The following EYS variants were observed in gnomAD, a reference collection of about 807,000 sequenced individuals.
EYS encodes EGF-like photoreceptor maintenance factor.
EYS carries 250 observed loss-of-function variants against 282.1 expected under a neutral mutation model. That is an observed-to-expected ratio of 0.89 (90% CI 0.80 to 0.98). EYS has a LOEUF of 0.98. Among genes scored for constraint, EYS ranks in the 50% least tolerant of loss-of-function variants. EYS has a pLI of 0.00. For synonymous variants in EYS, 1,355 were observed against 1,282.9 expected, an observed-to-expected ratio of 1.06 and a Z score of -1.20; for missense variants, 4,016 against 3,709.0, an observed-to-expected ratio of 1.08 and a Z score of -2.15.
intron 33 of EYS, among the ~76,000 whole-genome samples, chr6:64,015,930 T>G (rs1404809902): frequency 1.3e-5 from 2 of 152,196 alleles, no homozygotes; most frequent in Non-Finnish European, 2.9e-5. Context: ...TCCAGGCTTA[T>G]GAGGCAAAAA....
intron 22 of EYS, chr6:64,733,508 C>A: frequency 1.1e-5 from 2 of 186,458 alleles, no homozygotes; most frequent in South Asian, 2.4e-4. Flanking sequence ...AGCCCATTGT[C>A]ATGGCAACAA....
chr6:63,900,988 A>G (rs983971017), intron 35 of EYS, among the ~76,000 whole-genome samples: 2 of 152,206 alleles, frequency 1.3e-5, no homozygotes, highest in African/African-American at 2.4e-5. Flanking sequence ...AAAGTATGAG[A>G]CCTGCAAAGA....
intron 31 of EYS, among the ~76,000 whole-genome samples, chr6:64,089,173 A>G (rs996510316): frequency 6.6e-6 from 1 of 151,884 alleles, no homozygotes; most frequent in Admixed American, 6.6e-5. Context: ...ATTTTAATTT[A>G]AAAATATTAC....
intron 18 of EYS, among the ~76,000 whole-genome samples, chr6:64,897,744 T>C (rs1253440759): frequency 6.6e-6 from 1 of 152,034 alleles, no homozygotes; most frequent in East Asian, 1.9e-4. Context: ...GAATAACCAG[T>C]TTAGAGAAGA....
chr6:65,628,094 G>A (rs1451491137), intron 2 of EYS, among the ~76,000 whole-genome samples: 1 of 152,214 alleles, frequency 6.6e-6, no homozygotes, highest in Non-Finnish European at 1.5e-5. Context: ...CTCAAGGTTT[G>A]TGAGTGCACC....
At chr6:65,536,733 A>G (rs950966853) in intron 2 of EYS, among the ~76,000 whole-genome samples, 1 of 152,152 alleles carries the variant, frequency 6.6e-6, no homozygotes, top group South Asian at 2.1e-4. Context: ...AGAAAAGGAT[A>G]ATAAACCCTT....
intron 24 of EYS, among the ~76,000 whole-genome samples, chr6:64,601,093 C>T (rs1766747108): frequency 6.6e-6 from 1 of 152,048 alleles, no homozygotes; most frequent in African/African-American, 2.4e-5. Context: ...TTCTCCTATT[C>T]ATTATCAATC....
chr6:65,626,087 A>C (rs1474909858), intron 2 of EYS, among the ~76,000 whole-genome samples: 2 of 152,074 alleles, frequency 1.3e-5, no homozygotes, highest in Non-Finnish European at 2.9e-5. Context: ...AGTGATGTGT[A>C]TAGTCTCTTA....
At chr6:64,721,588 T>G (rs1771583986) in intron 22 of EYS, among the ~76,000 whole-genome samples, 1 of 152,150 alleles carries the variant, frequency 6.6e-6, no homozygotes, top group African/African-American at 2.4e-5. Flanking sequence ...AAAACTTATA[T>G]TCCAAGGAAT....
chr6:65,091,454 A>AAT (rs1774563205), intron 12 of EYS, among the ~76,000 whole-genome samples: 2 of 150,268 alleles, frequency 1.3e-5, no homozygotes, highest in Non-Finnish European at 3.0e-5. Flanking sequence ...CATCTCAAGA[A>AAT]ATAAATAAAT....
intron 29 of EYS, among the ~76,000 whole-genome samples, chr6:64,330,314 G>A (rs1770590849): frequency 6.6e-6 from 1 of 152,156 alleles, no homozygotes; most frequent in Non-Finnish European, 1.5e-5. Flanking sequence ...ACCTGGCACT[G>A]GACAACAAGT....
intron 31 of EYS, among the ~76,000 whole-genome samples, chr6:64,141,517 TA>T (rs56900211): frequency 0.019 from 2,831 of 152,268 alleles, 76 homozygotes; most frequent in African/African-American, 0.064. Flanking sequence ...TTTTTATTTT[TA>T]TTTTTTTGCC....
At chr6:65,521,467 A>C (rs944356247) in intron 2 of EYS, among the ~76,000 whole-genome samples, 22 of 152,184 alleles carry the variant, frequency 1.4e-4, no homozygotes, top group Admixed American at 1.4e-3. Context: ...ATAGAAAGTT[A>C]GTAAATTTAT....
At position 64,611,734 on chromosome 6, in the gene EYS, G is replaced by A. The variant is rs114459751; in HGVS notation, c.3684+5684C>T. 8.1e-3 allele frequency among the ~76,000 whole-genome samples: 1,230 copies of A among 152,164 alleles called. 20 individuals are homozygous for A. Among genetic ancestry groups the A allele is most frequent in the African/African-American group, 0.028 (1,169 of 41,528 alleles). The stretch of plus-strand genomic sequence containing the variant: ...ACTCTTTTCCTTAATTTGAATGTAA[G>A]ACTAGTGTATATGTATTTCTTTATA... On this transcript the variant is annotated intron_variant, in intron 24 of 42. Coordinates refer to ENST00000503581, the MANE Select transcript of EYS (RefSeq NM_001142800.2).
At chr6:65,260,947 T>C (rs1767604092) in intron 12 of EYS, among the ~76,000 whole-genome samples, 2 of 152,268 alleles carry the variant, frequency 1.3e-5, no homozygotes, top group East Asian at 3.9e-4. Flanking sequence ...ATTACACTTC[T>C]ATTTACTATT....
intron 12 of EYS, among the ~76,000 whole-genome samples, chr6:65,244,978 A>G (rs1767145253): frequency 6.6e-6 from 1 of 152,226 alleles, no homozygotes; most frequent in Non-Finnish European, 1.5e-5. Context: ...ATTTTAGCAC[A>G]AAGTTAATTT....
chr6:64,643,805 G>C (rs1305202121), intron 22 of EYS, among the ~76,000 whole-genome samples: 3 of 152,208 alleles, frequency 2.0e-5, no homozygotes, highest in Non-Finnish European at 4.4e-5. Flanking sequence ...CGTAAGACGT[G>C]ACTTGCTCCT....
At chr6:64,564,859 G>A (rs1041683028) in intron 26 of EYS, among the ~76,000 whole-genome samples, 7 of 152,184 alleles carry the variant, frequency 4.6e-5, no homozygotes, top group East Asian at 3.9e-4. Flanking sequence ...ACAGATTGTC[G>A]TTTTAATAAC....
At chr6:63,895,903 T>A (rs1042544014) in intron 35 of EYS, among the ~76,000 whole-genome samples, 14 of 30,510 alleles carry the variant, frequency 4.6e-4, no homozygotes, top group South Asian at 3.1e-3. Context: ...AGATCATGAT[T>A]TGTTTTTTTT....
Sources: gnomAD v4.1 joint callset for allele counts (sites outside exome capture counted in the v4.1 genomes callset) on GRCh38, gnomAD v4.1.1 for gene constraint, MANE v1.5 for transcripts, NCBI Gene and HGNC (gene_info 2026-07-23, HGNC 2026-07-21) for gene names.